Variants in VIM observed in about 807,000 individuals in gnomAD.
The protein encoded by VIM is vimentin.
In VIM, 18 loss-of-function variants were observed where a neutral mutation model predicts 50.3. That is an observed-to-expected ratio of 0.36 (90% CI 0.25 to 0.53). The LOEUF (loss-of-function observed/expected upper bound fraction) is 0.53, where lower values mean the gene tolerates loss of function less well. VIM is among the 20% of genes least tolerant of loss of function. The pLI, the probability that VIM is intolerant of heterozygous loss-of-function variation, is 0.91. For missense variants in VIM, 551 were observed against 614.7 expected, an observed-to-expected ratio of 0.90 and a Z score of 1.10; for synonymous variants, 245 against 248.5, an observed-to-expected ratio of 0.99 and a Z score of 0.13.
At chr10:17,234,402 A>C (rs1846850968) in intron 5 of VIM, among the ~76,000 whole-genome samples, 1 of 152,106 alleles carries the variant, frequency 6.6e-6, no homozygotes, top group Non-Finnish European at 1.5e-5. Context: ...GGCATGCGCC[A>C]CCACGCCTGG....
intron 5 of VIM, chr10:17,234,183 T>G: frequency 2.2e-6 from 1 of 454,022 alleles, no homozygotes; most frequent in Non-Finnish European, 3.9e-6. Context: ...TGGCAACATC[T>G]TGGCACACTG....
Position 17,233,940 on chromosome 10 carries a change from C to A in VIM, c.882+9C>A, listed in dbSNP as rs1177774814. 1.2e-6 allele frequency: 2 copies of A among 1,610,374 alleles called. No homozygotes were observed. Among genetic ancestry groups the A allele is most frequent in the Non-Finnish European group, 1.7e-6 (2 of 1,178,238 alleles). ...AATGGTACAAATCCAAGGTAGGAAA[C>A]AAATCAGTGCGGCTTCAACCAAAGA... On this transcript the variant is annotated intron_variant, in intron 5 of 9. Transcript: ENST00000544301.
intron 3 of VIM, among the ~76,000 whole-genome samples, chr10:17,231,774 T>G (rs996087291): frequency 1.5e-4 from 5 of 33,060 alleles, no homozygotes; most frequent in Non-Finnish European, 3.0e-4. Flanking sequence ...TTTGTGCGTG[T>G]TTTTTTTTTT....
At chr10:17,237,007 T>C (rs1308121438) in intron 9 of VIM, among the ~76,000 whole-genome samples, 1 of 152,224 alleles carries the variant, frequency 6.6e-6, no homozygotes, top group Non-Finnish European at 1.5e-5. Flanking sequence ...AAATTTCTTT[T>C]TGTAAGTTAC....
chr10:17,234,050 T>G (rs1405741577), intron 5 of VIM, 119 bp downstream of exon 5: 2 of 1,378,782 alleles, frequency 1.5e-6, no homozygotes, highest in Non-Finnish European at 2.0e-6. Flanking sequence ...TTTGACTTCT[T>G]GCTCATATTG....
At chr10:17,230,627 T>C (rs1482223990) in intron 2 of VIM, 23 bp from the exon 3 acceptor site, 1 of 1,613,828 alleles carries the variant, frequency 6.2e-7, no homozygotes, top group African/African-American at 1.3e-5. Flanking sequence ...CGTTCCCCTT[T>C]GGTTAATGCG....
In VIM at chr10:17,237,314, T is replaced by G. The variant is rs760635500; in HGVS notation, c.*43T>G. Reference sequence around the variant, plus strand: ...TGCAGCAATATATTACCAGCAAGAATAAAAAAGAAATCCATATCTTAAAGA... The same window carrying G: ...TGCAGCAATATATTACCAGCAAGAAGAAAAAAGAAATCCATATCTTAAAGA... On this transcript the variant is annotated 3_prime_UTR_variant, in exon 10 of 10. Transcript: ENST00000544301. 5.1e-6 allele frequency: 8 copies of G among 1,579,810 alleles called. No homozygotes were observed. The Admixed American group carries it at 1.2e-4, about 24-fold the overall frequency.
At chr10:17,231,351 A>G (rs1252027188) in intron 3 of VIM, among the ~76,000 whole-genome samples, 2 of 152,174 alleles carry the variant, frequency 1.3e-5, no homozygotes, top group Non-Finnish European at 2.9e-5. Context: ...TTGTGATCTA[A>G]TAAGGGTGAA....
intron 5 of VIM, 23 bp from the exon 6 acceptor site, chr10:17,234,670 C>T (rs1846856033): frequency 6.2e-7 from 1 of 1,613,250 alleles, no homozygotes; most frequent in Non-Finnish European, 8.5e-7. Context: ...GAGCAATCTA[C>T]ATTTCTGTTT....
At chr10:17,234,215 A>G in intron 5 of VIM, 1 of 393,096 alleles carries the variant, frequency 2.5e-6, no homozygotes, top group Non-Finnish European at 4.7e-6. Context: ...TCCCAGGTTC[A>G]AGTGATTCTC....
chr10:17,235,425 T>G, intron 7 of VIM, 36 bp downstream of exon 7: 2 of 1,608,482 alleles, frequency 1.2e-6, no homozygotes, highest in Middle Eastern at 1.9e-4. Flanking sequence ...GAACTAATGG[T>G]GACCATTTGT....
chr10:17,232,610 C>T (rs1213299585), intron 3 of VIM, among the ~76,000 whole-genome samples: 1 of 152,204 alleles, frequency 6.6e-6, no homozygotes, highest in African/African-American at 2.4e-5. Flanking sequence ...CAAGCAAATA[C>T]AGTTCAGAGT....
At chr10:17,233,154 G>T in intron 3 of VIM, 1 of 249,460 alleles carries the variant, frequency 4.0e-6, no homozygotes. Context: ...CGCCATGTTG[G>T]CTAGGCTGGT....
Position 17,235,169 on chromosome 10 carries a change from A to G in VIM, c.1009A>G (p.Asn337Asp). ...CAGACATCTTTCTCACCCCCTGCAG[A>G]ATGAGTCCCTGGAACGCCAGATGCG... ...TCEVDALKGT[N>D]ESLERQMREM... The change falls in exon 7 of 10, where the codon AAT (asparagine) becomes GAT (aspartate). Residue 337 changes from asparagine to aspartate, a missense_variant and splice_region_variant. Asn to Asp is a conservative substitution (Grantham distance 23, BLOSUM62 1). Transcript: ENST00000544301. 1 of 1,614,224 alleles carries G rather than the reference A, an allele frequency of 6.2e-7. No individual in the cohort carries two copies. Among genetic ancestry groups the G allele is most frequent in the Non-Finnish European group, 8.5e-7 (1 of 1,180,030 alleles).
At chr10:17,235,773 A>G (rs1280719219) in intron 7 of VIM, 73 bp from the exon 8 acceptor site, 2 of 1,427,794 alleles carry the variant, frequency 1.4e-6, no homozygotes, top group East Asian at 2.3e-5. Flanking sequence ...GAAAACAAAA[A>G]GTGTGTTAAT....
At position 17,234,769 on chromosome 10, in the gene VIM, G is replaced by A. The variant is rs371431143; in HGVS notation, c.959G>A (p.Arg320Gln). 1.9e-6 allele frequency: 3 copies of A among 1,614,116 alleles called. No individual in the cohort carries two copies. The highest frequency in any genetic ancestry group is 2.2e-5 in the East Asian group (1 of 44,872). Reference sequence around the variant, plus strand: ...GCAAAGCAGGAGTCCACTGAGTACCGGAGACAGGTGCAGTCCCTCACCTGT... The same window carrying A: ...GCAAAGCAGGAGTCCACTGAGTACCAGAGACAGGTGCAGTCCCTCACCTGT... ...RQAKQESTEY[R>Q]RQVQSLTCEV... Residue 320 changes from arginine (R) to glutamine (Q), a missense_variant, in exon 6 of 10, where the codon CGG becomes CAG. This residue lies in a region of VIM where 394 missense variants were observed against 437.5 expected (regional missense o/e 0.90). Coordinates refer to ENST00000544301, the MANE Select transcript of VIM (RefSeq NM_003380.5).
In VIM at chr10:17,233,915, A is replaced by G; in HGVS notation, c.866A>G (p.Glu289Gly). The change falls in exon 5 of 10, where the codon GAA becomes GGA. Residue 289 changes from glutamate to glycine, a missense_variant. By Grantham distance (98) the Glu-to-Gly change is moderately conservative. This residue lies in a region of VIM where 394 missense variants were observed against 437.5 expected (regional missense o/e 0.90). Coordinates refer to ENST00000544301, the MANE Select transcript of VIM (RefSeq NM_003380.5). ...GCCAAGAACCTGCAGGAGGCAGAAG[A>G]ATGGTACAAATCCAAGGTAGGAAAC... Reference protein sequence around the residue: ...VAAKNLQEAEEWYKSKFADLS... With the variant: ...VAAKNLQEAEGWYKSKFADLS... 6.2e-7 allele frequency: 1 copy of G among 1,613,850 alleles called. No individual in the cohort carries two copies. The highest frequency in any genetic ancestry group is 8.5e-7 in the Non-Finnish European group (1 of 1,179,852).
At chr10:17,230,070 G>T in intron 2 of VIM, 85 bp downstream of exon 2, 1 of 1,474,810 alleles carries the variant, frequency 6.8e-7, no homozygotes, top group Non-Finnish European at 9.0e-7. Flanking sequence ...CGCGAGAGCT[G>T]CCACGCCCTT....
At chr10:17,235,978 GA>G in intron 8 of VIM, 89 bp downstream of exon 8, 2 of 1,377,594 alleles carry the variant, frequency 1.5e-6, no homozygotes, top group Non-Finnish European at 1.0e-6. Context: ...TAGGATATCT[GA>G]AAAAATGCCA....
Sources: allele counts gnomAD v4.1 joint callset (sites outside exome capture counted in the v4.1 genomes callset), GRCh38; gene constraint gnomAD v4.1.1; regional missense constraint gnomAD v4.1.1; transcripts MANE v1.5; gene names NCBI Gene and HGNC (gene_info 2026-07-23, HGNC 2026-07-21).